PCDH11X: variants seen among roughly 807,000 people sequenced by gnomAD.
PCDH11X encodes the protein protocadherin-11 X-linked.
PCDH11X carries 18 observed loss-of-function variants against 53.3 expected under a neutral mutation model. That is an observed-to-expected ratio of 0.34 (90% confidence interval 0.23 to 0.50). The LOEUF is 0.50. Ranked by LOEUF, PCDH11X falls within the 20% of genes least tolerant of loss-of-function variation. The pLI is 0.98. For synonymous variants in PCDH11X, 279 were observed against 393.3 expected, an observed-to-expected ratio of 0.71 and a Z score of 3.44; for missense variants, 570 against 1,032.4, an observed-to-expected ratio of 0.55 and a Z score of 6.14.
chrX:92,391,292 A>G (rs1191372051), intron 9 of PCDH11X, among the ~76,000 whole-genome samples: 1 of 110,051 alleles, frequency 9.1e-6, no homozygotes, highest in Admixed American at 9.9e-5. Flanking sequence ...TACTGTGGAT[A>G]CTGGAACAGA....
chrX:91,828,265 G>A lies in PCDH11X; in HGVS notation c.-44-7196G>A, dbSNP rs746021739. ...CTCCCGCATAGCTGGGACTACAGGC[G>A]CCCGCCACCACGCCCGGCTAATTTT... On this transcript the variant is annotated intron_variant, in intron 4 of 10. Transcript: ENST00000682573. Among the ~76,000 whole-genome samples, 306 of 109,116 alleles carry A rather than the reference G, an allele frequency of 2.8e-3. 2 individuals are homozygous for A. The highest frequency in any genetic ancestry group is 9.3e-3 in the African/African-American group (277 of 29,911). 94.8% of individuals were successfully genotyped at this position (109,116 alleles called of 115,157 possible).
At chrX:92,575,983 T>C (rs1352675954) in intron 10 of PCDH11X, among the ~76,000 whole-genome samples, 67 of 28,659 alleles carry the variant, frequency 2.3e-3, no homozygotes, top group Non-Finnish European at 3.6e-3. Context: ...GGGGTGTATA[T>C]ATATATATAT....
At chrX:92,134,559 A>G (rs111775242) in intron 6 of PCDH11X, among the ~76,000 whole-genome samples, 3,485 of 111,371 alleles carry the variant, frequency 0.031, 145 homozygotes, top group African/African-American at 0.11. Context: ...TCAAAAGAGG[A>G]TTCTTGGATC....
At chrX:92,004,960 A>C (rs758586081) in intron 6 of PCDH11X, among the ~76,000 whole-genome samples, 1 of 109,339 alleles carries the variant, frequency 9.1e-6, no homozygotes, top group South Asian at 4.0e-4. Flanking sequence ...TATTTTTAGT[A>C]GAGACGGGTT....
At chrX:92,253,131 T>C (rs976020385) in intron 7 of PCDH11X, among the ~76,000 whole-genome samples, 1 of 111,951 alleles carries the variant, frequency 8.9e-6, no homozygotes, top group East Asian at 2.8e-4. Context: ...GGGTAATAGA[T>C]CTTTCCTTGA....
chrX:91,790,194 C>T (rs1935483026), intron 1 of PCDH11X, among the ~76,000 whole-genome samples: 1 of 111,734 alleles, frequency 8.9e-6, no homozygotes, highest in African/African-American at 3.2e-5. Context: ...TGATTTTAAC[C>T]TTTTGTGTGA....
intron 6 of PCDH11X, among the ~76,000 whole-genome samples, chrX:91,915,666 TG>T (rs1331898142): frequency 3.6e-5 from 4 of 110,921 alleles, no homozygotes; most frequent in Non-Finnish European, 7.6e-5. Flanking sequence ...CACCTAACGC[TG>T]GAATTTTCAA....
intron 6 of PCDH11X, among the ~76,000 whole-genome samples, chrX:92,097,005 G>A (rs1480240746): frequency 8.9e-6 from 1 of 112,134 alleles, no homozygotes; most frequent in African/African-American, 3.2e-5. Flanking sequence ...ATTAGACAGA[G>A]ATGTTCATCT....
intron 6 of PCDH11X, among the ~76,000 whole-genome samples, chrX:91,990,232 A>G (rs1247510320): frequency 9.1e-6 from 1 of 110,257 alleles, no homozygotes; most frequent in Non-Finnish European, 1.9e-5. Context: ...TAGGTTGTAT[A>G]ATGATCAAAT....
chrX:91,851,027 T>G (rs2147659196), intron 5 of PCDH11X, among the ~76,000 whole-genome samples: 1 of 110,061 alleles, frequency 9.1e-6, no homozygotes, highest in Admixed American at 9.7e-5. Context: ...ATCAGCTTCC[T>G]GGTAGATTAC....
intron 6 of PCDH11X, among the ~76,000 whole-genome samples, chrX:92,012,948 G>A (rs1291375017): frequency 8.9e-6 from 1 of 111,746 alleles, no homozygotes; most frequent in African/African-American, 3.3e-5. Context: ...AAAACTGGAA[G>A]CATTCCCTTT....
At chrX:91,835,119 T>G in intron 4 of PCDH11X, 1 of 589,928 alleles carries the variant, frequency 1.7e-6, no homozygotes, top group Non-Finnish European at 2.2e-6. Context: ...TTATTTTCCC[T>G]TAACTATTGA....
chrX:91,879,272 C>T lies in PCDH11X; in HGVS notation c.3032C>T (p.Pro1011Leu), dbSNP rs758409007. Residue 1011 changes from proline (P) to leucine (L), a missense_variant and splice_region_variant, in exon 6 of 11, where the codon CCG becomes CTG. This residue lies in a region of PCDH11X where 234 missense variants were observed against 296.1 expected (regional missense o/e 0.79). Transcript: ENST00000682573. ...GTACCTGTGTCCGTACACACCAGAC[C>T]GGTAGGTATCCAAGTTTCTAACACA... ...FEVPVSVHTRPPMKEVVRSCT... is the reference protein window; with the variant it reads ...FEVPVSVHTRLPMKEVVRSCT... The T allele has an allele frequency of 5.0e-6, 6 of 1,209,332 alleles. No individual in the cohort carries two copies. Among genetic ancestry groups the T allele is most frequent in the Middle Eastern group, 2.3e-4 (1 of 4,370 alleles).
chrX:91,839,883 A>G (rs1267544567), intron 5 of PCDH11X, among the ~76,000 whole-genome samples: 1 of 111,619 alleles, frequency 9.0e-6, no homozygotes, highest in Non-Finnish European at 1.9e-5. Context: ...TCATACTGCA[A>G]TGCTAATTCC....
At chrX:91,911,407 A>G (rs1274787004) in intron 6 of PCDH11X, among the ~76,000 whole-genome samples, 3 of 110,242 alleles carry the variant, frequency 2.7e-5, no homozygotes, top group Non-Finnish European at 5.7e-5. Context: ...CAATCACATC[A>G]GGGTAAATGG....
At position 91,876,939 on chromosome X, in the gene PCDH11X, T is replaced by C; in HGVS notation, c.699T>C (p.Ala233=). The C allele has an allele frequency of 5.0e-5, 60 of 1,211,349 alleles. No homozygotes were observed. Among genetic ancestry groups the C allele is most frequent in the Non-Finnish European group, 6.7e-5 (60 of 895,386 alleles). ...GCTTTCCTCAAAGATCCAGTACTGC[T>C]ATTTTGCAAGTGAGTGTTACTGATA... is the stretch of plus-strand genomic sequence containing the variant. ...DGGFPQRSST[A]ILQVSVTDTN... Residue 233 remains alanine (A), a synonymous_variant, in exon 6 of 11, where the codon GCT becomes GCC. Transcript: ENST00000682573.
intron 10 of PCDH11X, among the ~76,000 whole-genome samples, chrX:92,595,133 C>A (rs1925458792): frequency 1.8e-5 from 2 of 109,284 alleles, no homozygotes; most frequent in African/African-American, 6.7e-5. Context: ...CTTTTAGATT[C>A]TTTTAAGGAG....
chrX:92,420,516 C>G (rs1228145776), intron 9 of PCDH11X: 1 of 356,523 alleles, frequency 2.8e-6, no homozygotes, highest in East Asian at 7.9e-5. Flanking sequence ...TCTACGAATG[C>G]CTTTCTTTAT....
chrX:92,281,853 A>G (rs1273280869), intron 8 of PCDH11X, among the ~76,000 whole-genome samples: 2 of 111,787 alleles, frequency 1.8e-5, no homozygotes, highest in African/African-American at 3.2e-5. Flanking sequence ...TATGAAAAAA[A>G]TTCTTTCATT....
Sources: allele counts gnomAD v4.1 joint callset (sites outside exome capture counted in the v4.1 genomes callset), GRCh38; gene constraint gnomAD v4.1.1; regional missense constraint gnomAD v4.1.1; transcripts MANE v1.5; gene names NCBI Gene and HGNC (gene_info 2026-07-23, HGNC 2026-07-21).